The following PRKG2 variants were observed in gnomAD, a reference collection of about 807,000 sequenced individuals.
PRKG2 encodes cGMP-dependent protein kinase 2.
In PRKG2, 33 loss-of-function variants were observed where a neutral mutation model predicts 97.2. The ratio of observed to expected loss-of-function variants is 0.34; its 90% CI spans 0.26 to 0.45. The LOEUF (loss-of-function observed/expected upper bound fraction) is 0.45. Among genes scored for constraint, PRKG2 ranks in the 20% least tolerant of loss-of-function variants. The pLI is 1.00. For missense variants in PRKG2, 638 were observed against 900.0 expected, an observed-to-expected ratio of 0.71 and a Z score of 3.73; for synonymous variants, 330 against 321.8, an observed-to-expected ratio of 1.03 and a Z score of -0.27.
At chr4:81,180,640 T>C (rs530135839) in intron 2 of PRKG2, among the ~76,000 whole-genome samples, 1 of 152,112 alleles carries the variant, frequency 6.6e-6, no homozygotes, top group East Asian at 1.9e-4. Flanking sequence ...ATTGGCAAAA[T>C]TAAAAGAAAA....
intron 1 of PRKG2, among the ~76,000 whole-genome samples, chr4:81,207,894 A>T (rs1423333292): frequency 2.0e-5 from 3 of 152,296 alleles, no homozygotes; most frequent in Non-Finnish European, 4.4e-5. Flanking sequence ...ACCTAATTAG[A>T]TTCACTCTGT....
Position 81,211,902 on chromosome 4 carries a change from G to A in PRKG2, c.-14+3034C>T, listed in dbSNP as rs142618622. ...GGCAGTTCAGCTGGAAATCAGAGGA[G>A]TGAATTATACAGACTTCTACAGATA... On this transcript the variant is annotated intron_variant, in intron 1 of 18. Coordinates refer to ENST00000264399, the MANE Select transcript of PRKG2 (RefSeq NM_006259.3). Among the ~76,000 whole-genome samples, 74 of 152,278 alleles carry A rather than the reference G, an allele frequency of 4.9e-4. 1 individual carries two copies. Among genetic ancestry groups the A allele is most frequent in the African/African-American group, 1.7e-3 (72 of 41,542 alleles).
intron 15 of PRKG2, among the ~76,000 whole-genome samples, chr4:81,109,582 GCT>G (rs3042622): frequency 0.15 from 23,116 of 152,028 alleles, 2,427 homozygotes; most frequent in African/African-American, 0.29. Context: ...TGGACAGGTA[GCT>G]CTCTCACCTG....
At chr4:81,122,575 A>G (rs1379971715) in intron 14 of PRKG2, among the ~76,000 whole-genome samples, 16 of 152,152 alleles carry the variant, frequency 1.1e-4, no homozygotes, top group Non-Finnish European at 1.5e-4. Context: ...CCAAAGACAC[A>G]CTTCCAAACC....
intron 15 of PRKG2, among the ~76,000 whole-genome samples, chr4:81,107,201 T>C (rs887513560): frequency 1.3e-5 from 2 of 152,192 alleles, no homozygotes; most frequent in Non-Finnish European, 2.9e-5. Flanking sequence ...TCAAGAGTTA[T>C]GTTTTAAACA....
Position 81,179,050 on chromosome 4 carries a change from G to A in PRKG2, c.462-4091C>T, listed in dbSNP as rs557322998. ...TGAGGCAGGAGAATTGCTTGAACCCGGGAGGCAGAGGTTGCAGTGAGCCGA... is the reference window on the plus strand; with the variant it reads ...TGAGGCAGGAGAATTGCTTGAACCCAGGAGGCAGAGGTTGCAGTGAGCCGA... On this transcript the variant is annotated intron_variant, in intron 2 of 18. Coordinates refer to ENST00000264399, the MANE Select transcript of PRKG2 (RefSeq NM_006259.3). Among the ~76,000 whole-genome samples the A allele has an allele frequency of 1.3e-4, 19 of 151,926 alleles. No individual in the cohort carries two copies. The East Asian group carries it at 1.9e-3, about 15-fold the overall frequency.
chr4:81,199,529 A>G (rs1482671123), intron 2 of PRKG2, among the ~76,000 whole-genome samples: 2 of 152,180 alleles, frequency 1.3e-5, no homozygotes, highest in Non-Finnish European at 2.9e-5. Flanking sequence ...GGCAGGTTAT[A>G]TAATTCTGTG....
chr4:81,187,550 C>G (rs1051942129), intron 2 of PRKG2, among the ~76,000 whole-genome samples: 1 of 152,106 alleles, frequency 6.6e-6, no homozygotes, highest in East Asian at 1.9e-4. Context: ...CCTTTAAAAT[C>G]TGGTACAAGT....
intron 11 of PRKG2, 149 bp from the exon 12 acceptor site, chr4:81,140,818 C>T (rs1747208371): frequency 1.8e-6 from 1 of 567,854 alleles, no homozygotes; most frequent in South Asian, 4.2e-5. Context: ...AGTGTACACA[C>T]TTCCCTTTCA....
intron 17 of PRKG2, among the ~76,000 whole-genome samples, chr4:81,094,418 G>C (rs1211493320): frequency 6.6e-6 from 1 of 152,024 alleles, no homozygotes; most frequent in Non-Finnish European, 1.5e-5. Flanking sequence ...AAATTTGTTT[G>C]TTTGTTTGTT....
In PRKG2 at chr4:81,101,042, C is replaced by T. The variant is rs1283275626; in HGVS notation, c.2126+3328G>A. ...TACCATCTCACACCAGTTAGAATGG[C>T]GATCATTAAAAAGTCAGGAAACAAC... On this transcript the variant is annotated intron_variant, in intron 17 of 18. Coordinates refer to ENST00000264399, the MANE Select transcript of PRKG2 (RefSeq NM_006259.3). 4.6e-5 allele frequency among the ~76,000 whole-genome samples: 7 copies of T among 151,958 alleles called. No homozygotes were observed. The East Asian group carries it at 7.7e-4, about 17-fold the overall frequency.
chr4:81,185,705 CG>C (rs555105446), intron 2 of PRKG2, among the ~76,000 whole-genome samples: 214 of 152,222 alleles, frequency 1.4e-3, no homozygotes, highest in African/African-American at 5.1e-3. Context: ...CAAGACCCCT[CG>C]GGGTGCTGTG....
chr4:81,118,947 A>G (rs1446601007), intron 14 of PRKG2, among the ~76,000 whole-genome samples: 2 of 152,104 alleles, frequency 1.3e-5, no homozygotes, highest in Non-Finnish European at 2.9e-5. Context: ...GGTGTGAGCC[A>G]CCACGCCCAG....
At chr4:81,193,716 C>T (rs1333900813) in intron 2 of PRKG2, among the ~76,000 whole-genome samples, 7 of 151,864 alleles carry the variant, frequency 4.6e-5, no homozygotes, top group African/African-American at 1.4e-4. Flanking sequence ...GGTGGGCGCC[C>T]GTAATCCCAG....
At chr4:81,173,838 G>A (rs947113056) in intron 3 of PRKG2, 1 of 151,984 alleles carries the variant, frequency 6.6e-6, no homozygotes, top group Admixed American at 6.6e-5. Context: ...GAACTACAAT[G>A]CCAATGAAGG....
chr4:81,099,560 T>C (rs1742495670), intron 17 of PRKG2, among the ~76,000 whole-genome samples: 1 of 152,080 alleles, frequency 6.6e-6, no homozygotes, highest in African/African-American at 2.4e-5. Context: ...ATGGGACGTA[T>C]CTCAAAATAA....
Position 81,093,420 on chromosome 4 carries a change from C to T in PRKG2, c.2127-968G>A, listed in dbSNP as rs891724758. Among the ~76,000 whole-genome samples, 7 of 150,290 alleles carry T rather than the reference C, an allele frequency of 4.7e-5. 1 individual carries two copies. The highest frequency in any genetic ancestry group is 1.7e-4 in the African/African-American group (7 of 40,618). On this transcript the variant is annotated intron_variant, in intron 17 of 18. Transcript: ENST00000264399. Reference sequence around the variant, plus strand: ...ACACACACACAAGCTTCTTATCCTCCTTCCCTACTTTATCTTACCCCCTTA... The same window carrying T: ...ACACACACACAAGCTTCTTATCCTCTTTCCCTACTTTATCTTACCCCCTTA...
chr4:81,207,590 CT>C (rs1387589442), intron 1 of PRKG2, among the ~76,000 whole-genome samples: 1 of 152,130 alleles, frequency 6.6e-6, no homozygotes, highest in Non-Finnish European at 1.5e-5. Flanking sequence ...TCAAAAAATT[CT>C]GTACCAATCC....
chr4:81,104,981 G>C (rs941729288), intron 16 of PRKG2, among the ~76,000 whole-genome samples: 1 of 152,100 alleles, frequency 6.6e-6, no homozygotes, highest in Non-Finnish European at 1.5e-5. Context: ...AATAAGAACA[G>C]AGGAGCACTT....
Sources: allele counts gnomAD v4.1 joint callset (sites outside exome capture counted in the v4.1 genomes callset), GRCh38; gene constraint gnomAD v4.1.1; transcripts MANE v1.5; gene names NCBI Gene and HGNC (gene_info 2026-07-23, HGNC 2026-07-21).